Variants in ETHE1 observed in about 807,000 individuals in gnomAD.
ETHE1 encodes the protein persulfide dioxygenase ETHE1, mitochondrial.
A neutral mutation model predicts 25.7 loss-of-function variants in ETHE1; 16 were observed. The ratio of observed to expected loss-of-function variants is 0.62; its 90% CI spans 0.42 to 0.95. The LOEUF is 0.95. Among genes scored for constraint, ETHE1 ranks in the 40% least tolerant of loss-of-function variants. The pLI, the probability that ETHE1 is intolerant of heterozygous loss-of-function variation, is 0.00. For synonymous variants in ETHE1, 139 were observed against 135.9 expected, an observed-to-expected ratio of 1.02 and a Z score of -0.16; for missense variants, 300 against 333.6, an observed-to-expected ratio of 0.90 and a Z score of 0.79.
Position 43,518,999 on chromosome 19 carries a change from G to GTTT in ETHE1, c.375+7199_375+7201dup, listed in dbSNP as rs71169253. Among the ~76,000 whole-genome samples the GTTT allele has an allele frequency of 2.7e-3, 250 of 90,942 alleles. 22 individuals carry two copies. Among genetic ancestry groups the GTTT allele is most frequent in the African/African-American group, 7.3e-3 (176 of 24,026 alleles). The allele number at this position is 90,942 out of a possible 152,430, so 59.7% of individuals were successfully genotyped here. A position where few individuals can be genotyped will look rare whatever the true frequency, so the allele number is the denominator to read the frequency against. On this transcript the variant is annotated intron_variant, in intron 3 of 6. Transcript: ENST00000292147. The stretch of plus-strand genomic sequence containing the variant: ...CTGATGGCTGATGAAATTTGTGCTT[G>GTTT]TTTTTTTTTTTTTTTTTTTTTTTTT...
At chr19:43,518,694 T>C (rs1317980902) in intron 3 of ETHE1, among the ~76,000 whole-genome samples, 1 of 135,834 alleles carries the variant, frequency 7.4e-6, no homozygotes, top group Non-Finnish European at 1.5e-5. Context: ...GAGCTTGCAG[T>C]GAGCCGAGAT....
chr19:43,526,937 C>T, intron 1 of ETHE1, 160 bp downstream of exon 1: 1 of 1,508,122 alleles, frequency 6.6e-7, no homozygotes. Flanking sequence ...GACCACTCAC[C>T]TTTAAAGGAC....
chr19:43,521,113 A>C (rs747228111), intron 3 of ETHE1, among the ~76,000 whole-genome samples: 2 of 152,124 alleles, frequency 1.3e-5, no homozygotes, highest in Non-Finnish European at 2.9e-5. Context: ...CACGCAGATC[A>C]CTTGAGGCCA....
chr19:43,517,496 C>T (rs115405578), intron 3 of ETHE1, among the ~76,000 whole-genome samples: 41 of 146,906 alleles, frequency 2.8e-4, no homozygotes, highest in Admixed American at 4.1e-4. Flanking sequence ...AAAAATTAGC[C>T]GAAGCCAGGC....
chr19:43,520,407 T>TA (rs985003766), intron 3 of ETHE1, among the ~76,000 whole-genome samples: 8 of 151,176 alleles, frequency 5.3e-5, no homozygotes, highest in African/African-American at 1.2e-4. Flanking sequence ...ATGTACACTG[T>TA]AAAAAAAAAT....
intron 1 of ETHE1, 49 bp from the exon 2 acceptor site, chr19:43,526,708 C>T: frequency 6.2e-7 from 1 of 1,611,794 alleles, no homozygotes; most frequent in Non-Finnish European, 8.5e-7. Flanking sequence ...CTTCCACCCA[C>T]TGGAGGCCAA....
intron 4 of ETHE1, 111 bp downstream of exon 4, chr19:43,511,326 A>C: frequency 6.6e-7 from 1 of 1,518,004 alleles, no homozygotes; most frequent in Non-Finnish European, 9.1e-7. Flanking sequence ...TTTAATACTG[A>C]AGCCCCCTAA....
In ETHE1 at chr19:43,526,302, G is replaced by C; in HGVS notation, c.274C>G (p.Arg92Gly). 1 of 1,614,126 alleles carries C rather than the reference G, an allele frequency of 6.2e-7. No individual in the cohort carries two copies. Among genetic ancestry groups the C allele is most frequent in the Non-Finnish European group, 8.5e-7 (1 of 1,180,018 alleles). ...ADHITGSGLL[R>G]SLLPGCQSVI... is the part of the protein sequence containing the mutation. ...GACTGGCAGCCAGGGAGGAGGGAAC[G>C]GAGCAGCCCCGAGCCTGTAATGTGG... The change falls in exon 3 of 7, where the codon CGT (arginine) becomes GGT (glycine). Residue 92 changes from arginine to glycine, a missense_variant. Transcript: ENST00000292147.
At chr19:43,514,217 G>C (rs1334673926) in intron 3 of ETHE1, among the ~76,000 whole-genome samples, 3 of 152,090 alleles carry the variant, frequency 2.0e-5, no homozygotes, top group Non-Finnish European at 4.4e-5. Flanking sequence ...AATCCCCATG[G>C]GTTGTGGGAG....
rs863223954 is a variant in ETHE1, at chr19:43,508,062, T to C, written c.596-2A>G. On this transcript the variant is annotated splice_acceptor_variant, in intron 5 of 6. Coordinates refer to ENST00000292147, the MANE Select transcript of ETHE1 (RefSeq NM_014297.5). LOFTEE classifies it high-confidence loss of function. Reference sequence around the variant, plus strand: ...CCTCCACGGTGGACACTGTGAACCCTAGGGGCCAAGGGAGGGGAAGGAAAG... The same window carrying C: ...CCTCCACGGTGGACACTGTGAACCCCAGGGGCCAAGGGAGGGGAAGGAAAG... The C allele has an allele frequency of 1.5e-5, 24 of 1,613,574 alleles. No individual in the cohort carries two copies. The highest frequency in any genetic ancestry group is 1.9e-5 in the Non-Finnish European group (23 of 1,179,924).
At chr19:43,507,298 C>T (rs1362414755) in intron 6 of ETHE1, among the ~76,000 whole-genome samples, 6 of 143,404 alleles carry the variant, frequency 4.2e-5, no homozygotes, top group Middle Eastern at 3.6e-3. Context: ...CTCCCTCAGA[C>T]CCAGGAGTCC....
Position 43,515,187 on chromosome 19 carries a change from C to T in ETHE1, c.376-3621G>A, listed in dbSNP as rs867039573. Among the ~76,000 whole-genome samples, 5 of 151,976 alleles carry T rather than the reference C, an allele frequency of 3.3e-5. No individual in the cohort carries two copies. In the South Asian group the frequency reaches 8.3e-4, roughly 25 times the overall value. The stretch of plus-strand genomic sequence containing the variant: ...ATCCCAGCACTTTGGGAGGCCGAGG[C>T]GGGCAAATCACCTGAGGTCAGGAGT... On this transcript the variant is annotated intron_variant, in intron 3 of 6. Transcript: ENST00000292147.
intron 3 of ETHE1, among the ~76,000 whole-genome samples, chr19:43,514,498 T>C (rs1292412937): frequency 6.7e-6 from 1 of 149,230 alleles, no homozygotes; most frequent in Admixed American, 6.7e-5. Context: ...TTTTTTTTTT[T>C]TTTTTTTGAG....
chr19:43,506,940 A>G, intron 6 of ETHE1, 38 bp from the exon 7 acceptor site: 1 of 1,609,072 alleles, frequency 6.2e-7, no homozygotes, highest in Non-Finnish European at 8.5e-7. Context: ...TAAGGGGCCT[A>G]GGTAGAGTTC....
Position 43,506,854 on chromosome 19 carries a change from G to T in ETHE1, c.761C>A (p.Ala254Asp). The T allele has an allele frequency of 6.2e-7, 1 of 1,613,598 alleles. No individual in the cohort carries two copies. The highest frequency in any genetic ancestry group is 8.5e-7 in the Non-Finnish European group (1 of 1,179,860). The part of the protein sequence containing the change: ...NMRCGVQTPT[A>D] ...GAGCATCTGACAGAAGTGAGATCAG[G>T]CAGTGGGTGTCTGCACCCCACAGCG... The change falls in exon 7 of 7, where the codon GCC becomes GAC. Residue 254 changes from alanine (A) to aspartate (D), a missense_variant. By Grantham distance (126) the Ala-to-Asp change is moderately radical. Coordinates refer to ENST00000292147, the MANE Select transcript of ETHE1 (RefSeq NM_014297.5).
chr19:43,518,202 T>C (rs1378865071), intron 3 of ETHE1, among the ~76,000 whole-genome samples: 1 of 150,334 alleles, frequency 6.7e-6, no homozygotes, highest in East Asian at 2.0e-4. Context: ...AACACTAAGC[T>C]CAATTGTATC....
chr19:43,506,739 T>G lies in ETHE1; in HGVS notation c.*111A>C. ...CAGACTCACGTTAAAAAAAGTTTTATTTAGGGAGCTCCAGGGAATGCGGTG... is the reference window on the plus strand; with the variant it reads ...CAGACTCACGTTAAAAAAAGTTTTAGTTAGGGAGCTCCAGGGAATGCGGTG... On this transcript the variant is annotated 3_prime_UTR_variant, in exon 7 of 7. Coordinates refer to ENST00000292147, the MANE Select transcript of ETHE1 (RefSeq NM_014297.5). 1 of 1,078,460 alleles carries G rather than the reference T, an allele frequency of 9.3e-7. No individual in the cohort carries two copies. The highest frequency in any genetic ancestry group is 1.4e-6 in the Non-Finnish European group (1 of 703,528). 66.8% of individuals were successfully genotyped at this position (1,078,460 alleles called of 1,614,324 possible).
Position 43,526,224 on chromosome 19 carries a change from C to T in ETHE1, c.352G>A (p.Asp118Asn), listed in dbSNP as rs371198079. The change falls in exon 3 of 7, where the codon GAC (aspartate) becomes AAC (asparagine). Residue 118 changes from aspartate to asparagine, a missense_variant. Physicochemically the swap from Asp to Asn is conservative, Grantham distance 23. Coordinates refer to ENST00000292147, the MANE Select transcript of ETHE1 (RefSeq NM_014297.5). ...ACGAAGCGCCCGAAGCGGATGGAGT[C>T]TCCATCCTCAATGTGTAAGTCAGCC... ...AQADLHIEDG[D>N]SIRFGRFALE... 3 of 1,614,168 alleles carry T rather than the reference C, an allele frequency of 1.9e-6. No homozygotes were observed. The South Asian group carries it at 3.3e-5, about 18-fold the overall frequency.
intron 3 of ETHE1, among the ~76,000 whole-genome samples, chr19:43,518,996 C>CTTTTTTT (rs1600005859): frequency 7.4e-5 from 6 of 81,108 alleles, no homozygotes; most frequent in Non-Finnish European, 1.2e-4. Flanking sequence ...GAAATTTGTG[C>CTTTTTTT]TTGTTTTTTT....
Sources: gnomAD v4.1 joint callset for allele counts (sites outside exome capture counted in the v4.1 genomes callset) on GRCh38, gnomAD v4.1.1 for gene constraint, MANE v1.5 for transcripts, NCBI Gene and HGNC (gene_info 2026-07-23, HGNC 2026-07-21) for gene names.